The following UPB1 variants were observed in gnomAD, a reference collection of about 807,000 sequenced individuals.
UPB1 encodes beta-ureidopropionase.
UPB1 carries 40 observed loss-of-function variants against 49.1 expected under a neutral mutation model. That is an observed-to-expected ratio of 0.81 (90% CI 0.63 to 1.06). UPB1 has a LOEUF of 1.06. Among genes scored for constraint, UPB1 ranks in the 50% least tolerant of loss-of-function variants. UPB1 has a pLI of 0.00. For synonymous variants in UPB1, 207 were observed against 198.2 expected (o/e 1.04, Z -0.38); for missense variants, 499 against 505.9 (o/e 0.99, Z 0.13).
intron 7 of UPB1, among the ~76,000 whole-genome samples, chr22:24,521,298 A>G (rs1365603936): frequency 2.6e-5 from 4 of 151,802 alleles, no homozygotes; most frequent in Non-Finnish European, 4.4e-5. Context: ...CCTGGCCAAC[A>G]TGGAGAAATC....
intron 8 of UPB1, among the ~76,000 whole-genome samples, chr22:24,522,943 TA>T (rs747503249): frequency 0.029 from 1,953 of 66,366 alleles, 21 homozygotes; most frequent in Non-Finnish European, 0.032. Context: ...AAATGCCACC[TA>T]AAAAAAAAAA....
chr22:24,522,468 T>C (rs2147042039), intron 8 of UPB1, among the ~76,000 whole-genome samples: 1 of 152,314 alleles, frequency 6.6e-6, no homozygotes, highest in East Asian at 1.9e-4. Context: ...ATGGCTTGTT[T>C]TGATCCAAGG....
chr22:24,496,402 C>CACACAT (rs1491487149), intron 1 of UPB1, among the ~76,000 whole-genome samples: 1 of 108,354 alleles, frequency 9.2e-6, no homozygotes, highest in African/African-American at 5.1e-5. Context: ...CACACACACA[C>CACACAT]ATACACACAC....
rs181340843 is a variant in UPB1 at position 24,495,402 on chromosome 22, C to T, written c.-2C>T. 3.8e-5 allele frequency: 62 copies of T among 1,613,004 alleles called. No homozygotes were observed. In the East Asian group the frequency reaches 9.4e-4, roughly 24 times the overall value. On this transcript the variant is annotated 5_prime_UTR_variant, in exon 1 of 10. Coordinates refer to ENST00000326010, the MANE Select transcript of UPB1 (RefSeq NM_016327.3). The stretch of plus-strand genomic sequence containing the variant: ...GGACACAAGCACTGGCGGACCGTGG[C>T]CATGGCGGGCGCTGAGTGGAAGTCG...
At chr22:24,517,962 T>C (rs537835753) in intron 6 of UPB1, among the ~76,000 whole-genome samples, 3 of 152,136 alleles carry the variant, frequency 2.0e-5, no homozygotes, top group Non-Finnish European at 4.4e-5. Context: ...GTCAGGAGTT[T>C]GAGACCATCC....
intron 7 of UPB1, 42 bp downstream of exon 7, chr22:24,520,510 G>A (rs771870617): frequency 1.2e-6 from 2 of 1,604,296 alleles, no homozygotes; most frequent in South Asian, 1.1e-5. Context: ...CCACCACCTG[G>A]TGGCTCTGGT....
At position 24,525,750 on chromosome 22, in the gene UPB1, G is replaced by C. The variant is rs375868245; in HGVS notation, c.1111G>C (p.Glu371Gln). ...RYEMYARELA[E>Q]AVKSNYSPTI... ...TGAGATGTACGCACGGGAGCTCGCC[G>C]AAGCTGTCAAGTCCAACTACAGCCC... The change falls in exon 10 of 10, where the codon GAA (glutamate) becomes CAA (glutamine). Residue 371 changes from glutamate (E) to glutamine (Q), a missense_variant. Transcript: ENST00000326010. 1 of 1,614,196 alleles carries C rather than the reference G, an allele frequency of 6.2e-7. No individual in the cohort carries two copies. Among genetic ancestry groups the C allele is most frequent in the Non-Finnish European group, 8.5e-7 (1 of 1,180,028 alleles).
intron 1 of UPB1, among the ~76,000 whole-genome samples, chr22:24,497,610 G>T (rs549414957): frequency 3.3e-5 from 5 of 151,676 alleles, no homozygotes; most frequent in South Asian, 4.2e-4. Flanking sequence ...CCCTGAGTGG[G>T]GAGGCCTCAG....
chr22:24,525,698 G>A lies in UPB1; in HGVS notation c.1072-13G>A. Reference sequence around the variant, plus strand: ...ACCAGAACCTCTAAAGTACATCTGTGTTTTGCTTTCAGATGACGGGCAGGT... The same window carrying A: ...ACCAGAACCTCTAAAGTACATCTGTATTTTGCTTTCAGATGACGGGCAGGT... On this transcript the variant is annotated splice_polypyrimidine_tract_variant and intron_variant, in intron 9 of 9. Coordinates refer to ENST00000326010, the MANE Select transcript of UPB1 (RefSeq NM_016327.3). 2 of 1,614,130 alleles carry A rather than the reference G, an allele frequency of 1.2e-6. No homozygotes were observed. Among genetic ancestry groups the A allele is most frequent in the Non-Finnish European group, 1.7e-6 (2 of 1,180,008 alleles).
intron 3 of UPB1, among the ~76,000 whole-genome samples, chr22:24,505,582 AAGCC>A (rs1056178810): frequency 3.8e-4 from 58 of 152,176 alleles, no homozygotes; most frequent in African/African-American, 1.3e-3. Flanking sequence ...CCCTGCTCCA[AAGCC>A]AGAGAGCCTC....
At chr22:24,511,194 C>G (rs1173295965) in intron 4 of UPB1, among the ~76,000 whole-genome samples, 1 of 152,188 alleles carries the variant, frequency 6.6e-6, no homozygotes, top group South Asian at 2.1e-4. Context: ...GCATGCTCCA[C>G]TGCAGTTTGC....
intron 4 of UPB1, among the ~76,000 whole-genome samples, chr22:24,511,895 G>C (rs1055165019): frequency 1.3e-5 from 2 of 152,092 alleles, no homozygotes; most frequent in Non-Finnish European, 2.9e-5. Flanking sequence ...GATTATAGGC[G>C]TGAGCCACCG....
chr22:24,515,333 A>G lies in UPB1; in HGVS notation c.754A>G (p.Ile252Val), dbSNP rs1047389346. 9.9e-6 allele frequency: 16 copies of G among 1,613,978 alleles called. No homozygotes were observed. Among genetic ancestry groups the G allele is most frequent in the Admixed American group, 3.3e-5 (2 of 59,986 alleles). ...WLMYSINGAEIIFNPSATIGA... is the reference protein window; with the variant it reads ...WLMYSINGAEVIFNPSATIGA... Reference sequence around the variant, plus strand: ...TATGTACAGCATCAACGGGGCTGAGATCATCTTCAACCCCTCGGCCACGAT... The same window carrying G: ...TATGTACAGCATCAACGGGGCTGAGGTCATCTTCAACCCCTCGGCCACGAT... The change falls in exon 6 of 10, where the codon ATC (isoleucine) becomes GTC (valine). Residue 252 changes from isoleucine (I) to valine (V), a missense_variant. Physicochemically the swap from Ile to Val is conservative, Grantham distance 29. Coordinates refer to ENST00000326010, the MANE Select transcript of UPB1 (RefSeq NM_016327.3).
chr22:24,504,649 C>T, intron 3 of UPB1, among the ~76,000 whole-genome samples: 1 of 150,356 alleles, frequency 6.7e-6, no homozygotes, highest in Non-Finnish European at 1.5e-5. Flanking sequence ...CTCTTTTTTT[C>T]TCTTTCTAGA....
intron 6 of UPB1, among the ~76,000 whole-genome samples, chr22:24,518,645 A>C (rs1180826124): frequency 6.6e-6 from 1 of 152,224 alleles, no homozygotes; most frequent in African/African-American, 2.4e-5. Context: ...GTGCATGCAC[A>C]CACATGGGTC....
At chr22:24,523,482 G>C in intron 8 of UPB1, 137 bp from the exon 9 acceptor site, 1 of 1,296,046 alleles carries the variant, frequency 7.7e-7, no homozygotes, top group South Asian at 1.2e-5. Context: ...AGGCCTTTTG[G>C]GCCTCAGCAT....
Position 24,502,346 on chromosome 22 carries a change from C to T in UPB1, c.364+133C>T, listed in dbSNP as rs1167693353. The T allele has an allele frequency of 3.0e-6, 3 of 984,460 alleles. No homozygotes were observed. The South Asian group carries it at 3.8e-5, about 13-fold the overall frequency. The allele number at this position is 984,460 out of a possible 1,614,324, so 61.0% of individuals were successfully genotyped here. On this transcript the variant is annotated intron_variant, in intron 3 of 9. Transcript: ENST00000326010. ...CCTCATCCATGGAAAGTTCTCCGTC[C>T]ACATCACCAGGAACCCCGGCCTCCC...
intron 5 of UPB1, among the ~76,000 whole-genome samples, chr22:24,514,806 C>T (rs890216254): frequency 3.9e-5 from 6 of 152,172 alleles, no homozygotes; most frequent in East Asian, 1.9e-4. Flanking sequence ...TCCAGGTCTC[C>T]GGGCTCCACC....
At position 24,512,069 on chromosome 22, in the gene UPB1, T is replaced by A. The variant is rs2044216249; in HGVS notation, c.459+1226T>A. On this transcript the variant is annotated intron_variant, in intron 4 of 9. Coordinates refer to ENST00000326010, the MANE Select transcript of UPB1 (RefSeq NM_016327.3). ...TACTTAGGGGCTTTTGGGGCAGAGCTATAATCATGGTGACTTTATCAATAC... is the reference window on the plus strand; with the variant it reads ...TACTTAGGGGCTTTTGGGGCAGAGCAATAATCATGGTGACTTTATCAATAC... Among the ~76,000 whole-genome samples, 3 of 152,186 alleles carry A rather than the reference T, an allele frequency of 2.0e-5. No homozygotes were observed. The South Asian group carries it at 6.2e-4, about 31-fold the overall frequency.
Sources: gnomAD v4.1 joint callset for allele counts (sites outside exome capture counted in the v4.1 genomes callset) on GRCh38, gnomAD v4.1.1 for gene constraint, MANE v1.5 for transcripts, NCBI Gene and HGNC (gene_info 2026-07-23, HGNC 2026-07-21) for gene names.